NFIB: variants seen among roughly 807,000 people sequenced by gnomAD.
The protein encoded by NFIB is nuclear factor 1 B-type.
Under a neutral mutation model 61.5 loss-of-function variants are expected in NFIB, and 11 were observed. The ratio of observed to expected loss-of-function variants is 0.18; its 90% CI spans 0.11 to 0.30. NFIB has a LOEUF of 0.30. NFIB is among the 10% of genes least tolerant of loss of function. The pLI is 1.00. For synonymous variants in NFIB, 260 were observed against 216.5 expected (o/e 1.20, Z -1.76); for missense variants, 471 against 608.9 (o/e 0.77, Z 2.38).
At chr9:14,424,411 A>G in the NFIB span, among the ~76,000 whole-genome samples, 2 of 152,232 alleles carry the variant, frequency 1.3e-5, no homozygotes, top group Admixed American at 1.3e-4. Context: ...ACACATTAGC[A>G]TATTAAAGAC....
chr9:14,323,289 C>A (rs2060705198), intron 1 of NFIB, among the ~76,000 whole-genome samples: 1 of 152,138 alleles, frequency 6.6e-6, no homozygotes, highest in East Asian at 1.9e-4. Flanking sequence ...AGTAAACACT[C>A]TAGAGGAGAT....
chr9:14,438,516 T>C, the NFIB span, among the ~76,000 whole-genome samples: 2 of 152,212 alleles, frequency 1.3e-5, no homozygotes, highest in Non-Finnish European at 2.9e-5. Context: ...ATTAATGAAT[T>C]CTATTTAACC....
Position 14,204,215 on chromosome 9 carries a change from T to C in NFIB, c.563-24435A>G, listed in dbSNP as rs1197281532. 1.3e-5 allele frequency: 7 copies of C among 539,002 alleles called. No individual in the cohort carries two copies. The East Asian group carries it at 2.0e-4, about 16-fold the overall frequency. 33.4% of individuals were successfully genotyped at this position (539,002 alleles called of 1,614,324 possible). A position where few individuals can be genotyped will look rare whatever the true frequency, so the allele number is the denominator to read the frequency against. On this transcript the variant is annotated intron_variant, in intron 2 of 10. Transcript: ENST00000380953. Reference sequence around the variant, plus strand: ...GGCACAGGCCTCAAAATTTGAGGAATGATCTCTCTTTTCCCGCCGTCCACT... The same window carrying C: ...GGCACAGGCCTCAAAATTTGAGGAACGATCTCTCTTTTCCCGCCGTCCACT...
At chr9:14,403,197 T>C (rs1389350325), upstream of NFIB, among the ~76,000 whole-genome samples, 1 of 152,204 alleles carries the variant, frequency 6.6e-6, no homozygotes, top group African/African-American at 2.4e-5. Flanking sequence ...TCTTAAAATC[T>C]GAGCATCTAC....
At chr9:14,170,296 G>A (rs542730961) in intron 3 of NFIB, among the ~76,000 whole-genome samples, 1 of 152,136 alleles carries the variant, frequency 6.6e-6, no homozygotes, top group African/African-American at 2.4e-5. Flanking sequence ...TAAATATGGA[G>A]AGGGAAAGAA....
intron 1 of NFIB, among the ~76,000 whole-genome samples, chr9:14,391,995 C>A (rs2061627931): frequency 6.6e-6 from 1 of 152,196 alleles, no homozygotes; most frequent in Non-Finnish European, 1.5e-5. Context: ...GCTGAAGACC[C>A]AGGTGGATTC....
intron 4 of NFIB, among the ~76,000 whole-genome samples, chr9:14,151,028 G>C (rs2042812928): frequency 6.6e-6 from 1 of 152,132 alleles, no homozygotes; most frequent in Non-Finnish European, 1.5e-5. Context: ...AATCAGCAGA[G>C]TCTTGAGAGA....
intron 2 of NFIB, among the ~76,000 whole-genome samples, chr9:14,193,472 T>C (rs1394226595): frequency 1.3e-5 from 2 of 152,182 alleles, no homozygotes; most frequent in Admixed American, 1.3e-4. Flanking sequence ...TGCACCACTA[T>C]ACATCAACGT....
At chr9:14,271,315 C>G (rs1033975411) in intron 2 of NFIB, among the ~76,000 whole-genome samples, 1 of 151,836 alleles carries the variant, frequency 6.6e-6, no homozygotes, top group Non-Finnish European at 1.5e-5. Flanking sequence ...TTCAAGCCCA[C>G]GGATAGTTAT....
intron 10 of NFIB, among the ~76,000 whole-genome samples, chr9:14,110,948 A>C (rs918990452): frequency 3.9e-5 from 6 of 152,100 alleles, no homozygotes; most frequent in Non-Finnish European, 5.9e-5. Flanking sequence ...ATCTGTCTGC[A>C]TGGTATTTAA....
upstream of NFIB, among the ~76,000 whole-genome samples, chr9:14,400,643 G>A (rs1037969381): frequency 6.6e-6 from 1 of 152,142 alleles, no homozygotes; most frequent in African/African-American, 2.4e-5. Flanking sequence ...ATTGAATAAT[G>A]CAAATATTAA....
the NFIB span, among the ~76,000 whole-genome samples, chr9:14,428,682 A>T: frequency 2.0e-5 from 3 of 152,218 alleles, no homozygotes; most frequent in African/African-American, 7.2e-5. Flanking sequence ...TCTGCCTCAA[A>T]GCCTTTGAAC....
At chr9:14,091,239 T>C (rs1452714001) in intron 10 of NFIB, among the ~76,000 whole-genome samples, 1 of 151,838 alleles carries the variant, frequency 6.6e-6, no homozygotes, top group Non-Finnish European at 1.5e-5. Context: ...TTAGAGCTAT[T>C]TTTGGTAGTC....
At position 14,378,698 on chromosome 9, in the gene NFIB, G is replaced by A. The variant is rs537662306; in HGVS notation, c.108+19826C>T. Among the ~76,000 whole-genome samples the A allele has an allele frequency of 3.4e-4, 52 of 152,272 alleles. No homozygotes were observed. The South Asian group carries it at 0.011, about 31-fold the overall frequency. ...CACAGCACAAAATGTTATTGATTAG[G>A]GTTTGTTTAGGTGAACAGGCATCAT... On this transcript the variant is annotated intron_variant, in intron 1 of 8. Transcript: ENST00000380934.
intron 2 of NFIB, among the ~76,000 whole-genome samples, chr9:14,285,962 G>C (rs75210575): frequency 1.2e-3 from 186 of 151,092 alleles, no homozygotes; most frequent in African/African-American, 4.4e-3. Flanking sequence ...GCAAAAACAA[G>C]ATTTTAGATA....
intron 1 of NFIB, among the ~76,000 whole-genome samples, chr9:14,358,799 T>C (rs2061206196): frequency 6.6e-6 from 1 of 152,216 alleles, no homozygotes; most frequent in African/African-American, 2.4e-5. Context: ...AATCAACTGG[T>C]AAATGTTCAG....
At chr9:14,427,937 GTTTTTTTTTTT>G in the NFIB span, among the ~76,000 whole-genome samples, 3 of 43,418 alleles carry the variant, frequency 6.9e-5, no homozygotes, top group Non-Finnish European at 8.7e-5. Context: ...TAATTCAGTT[GTTTTTTTTTTT>G]TTTTTTTTTT....
At chr9:14,262,360 T>A (rs1563955292) in intron 2 of NFIB, among the ~76,000 whole-genome samples, 2 of 152,192 alleles carry the variant, frequency 1.3e-5, no homozygotes, top group African/African-American at 4.8e-5. Flanking sequence ...CCAGTAAAAC[T>A]ACTTTCTTTC....
intron 1 of NFIB, among the ~76,000 whole-genome samples, chr9:14,329,193 AAGT>A (rs2060791149): frequency 6.6e-6 from 1 of 152,218 alleles, no homozygotes; most frequent in Admixed American, 6.5e-5. Context: ...CAGAGAGGTA[AAGT>A]GACTTACTTA....
Sources: allele counts gnomAD v4.1 joint callset (sites outside exome capture counted in the v4.1 genomes callset), GRCh38; gene constraint gnomAD v4.1.1; transcripts MANE v1.5; gene names NCBI Gene and HGNC (gene_info 2026-07-23, HGNC 2026-07-21).